The following PTPRG variants were observed in gnomAD, a reference collection of about 807,000 sequenced individuals.
PTPRG encodes protein tyrosine phosphatase receptor type G.
PTPRG carries 102 observed loss-of-function variants against 165.3 expected under a neutral mutation model. The ratio of observed to expected loss-of-function variants is 0.62; its 90% CI spans 0.53 to 0.73. The LOEUF is 0.73. Ranked by LOEUF, PTPRG falls within the 30% of genes least tolerant of loss-of-function variation. PTPRG has a pLI of 0.00. For missense variants in PTPRG, 1,866 were observed against 1,861.4 expected, an observed-to-expected ratio of 1.00 and a Z score of -0.05; for synonymous variants, 675 against 669.5, an observed-to-expected ratio of 1.01 and a Z score of -0.13.
chr3:62,255,381 A>C lies in PTPRG; in HGVS notation c.2559+166A>C, dbSNP rs746284398. 6.6e-6 allele frequency among the ~76,000 whole-genome samples: 1 copy of C among 152,034 alleles called. No homozygotes were observed. Among genetic ancestry groups the C allele is most frequent in the Non-Finnish European group, 1.5e-5 (1 of 68,038 alleles). On this transcript the variant is annotated intron_variant, in intron 16 of 29. Coordinates refer to ENST00000474889, the MANE Select transcript of PTPRG (RefSeq NM_002841.4). This position sits in a 1 kb window ranked among gnomAD's most constrained non-coding sequence, Gnocchi z 4.0. Reference sequence around the variant, plus strand: ...TTAATAGGCATTCTTTTCCAAATAAAATTTAGGTGAAAGGGGAGTTGATTG... The same window carrying C: ...TTAATAGGCATTCTTTTCCAAATAACATTTAGGTGAAAGGGGAGTTGATTG...
At chr3:61,621,051 ATGTGTGTGTGTGTGTGTG>A (rs1173192341) in intron 1 of PTPRG, among the ~76,000 whole-genome samples, 10 of 117,994 alleles carry the variant, frequency 8.5e-5, no homozygotes, top group East Asian at 2.8e-4. Context: ...ATATATATAT[ATGTGTGTGTGTGTGTGTG>A]TGTGTGTGTA....
intron 2 of PTPRG, among the ~76,000 whole-genome samples, chr3:61,971,032 G>A (rs1575835988): frequency 6.6e-6 from 1 of 152,098 alleles, no homozygotes; most frequent in South Asian, 2.1e-4. Context: ...GAATATTAGT[G>A]ATGGTAGTAG....
chr3:61,674,656 G>T (rs1194919704), intron 1 of PTPRG, among the ~76,000 whole-genome samples: 2 of 152,094 alleles, frequency 1.3e-5, no homozygotes, highest in Non-Finnish European at 2.9e-5. Context: ...TGTTGAATTG[G>T]TTGAAAATGA....
Position 61,772,374 on chromosome 3 carries a change from C to T in PTPRG, c.190+23392C>T, listed in dbSNP as rs75578527. ...TCAAAATGTGTTACAAATCAACCTG[C>T]TCATTCACATTACTCCTTTTCCGTA... On this transcript the variant is annotated intron_variant, in intron 2 of 29. Transcript: ENST00000474889. Among the ~76,000 whole-genome samples, 252 of 152,044 alleles carry T rather than the reference C, an allele frequency of 1.7e-3. 9 individuals carry two copies. The East Asian group carries it at 0.044, about 27-fold the overall frequency.
intron 1 of PTPRG, among the ~76,000 whole-genome samples, chr3:61,575,453 T>C (rs1282403845): frequency 6.6e-6 from 1 of 152,180 alleles, no homozygotes; most frequent in African/African-American, 2.4e-5. Flanking sequence ...AGCTTTGTCC[T>C]TTGCTAACTT....
rs151090262 is a variant in PTPRG, at chr3:62,203,412, G to C, written c.1617G>C (p.Pro539=). Residue 539 remains proline, a synonymous_variant, in exon 12 of 30, where the codon CCG becomes CCC. Transcript: ENST00000474889. This position sits in a 1 kb window ranked among gnomAD's most constrained non-coding sequence, Gnocchi z 6.4. ...FPSTVWPTRL[P]TAASASKQAA... is the part of the protein sequence containing the mutation. ...GCACTGTGTGGCCCACGCGCCTCCC[G>C]ACGGCCGCCTCAGCCAGCAAGCAGG... The C allele has an allele frequency of 6.2e-7, 1 of 1,610,552 alleles. No homozygotes were observed. The highest frequency in any genetic ancestry group is 1.3e-5 in the African/African-American group (1 of 74,980).
chr3:61,968,879 G>C lies in PTPRG; in HGVS notation c.191-20746G>C, dbSNP rs887647440. Among the ~76,000 whole-genome samples the C allele has an allele frequency of 4.6e-5, 7 of 152,190 alleles. No homozygotes were observed. In the South Asian group the frequency reaches 8.3e-4, roughly 18 times the overall value. On this transcript the variant is annotated intron_variant, in intron 2 of 29. Transcript: ENST00000474889. ...GGTCAACTTTAAAGAACATTTGTAG[G>C]GTAATGATTCTCATAGCTCACCTTT...
chr3:61,897,495 A>G (rs1384836233), intron 2 of PTPRG, among the ~76,000 whole-genome samples: 2 of 152,182 alleles, frequency 1.3e-5, no homozygotes, highest in South Asian at 2.1e-4. Context: ...CTATAGCTGT[A>G]CAGTAAGTCA....
chr3:61,667,531 C>T (rs976277793), intron 1 of PTPRG, among the ~76,000 whole-genome samples: 1 of 152,172 alleles, frequency 6.6e-6, no homozygotes, highest in African/African-American at 2.4e-5. Flanking sequence ...CATTTTAATT[C>T]ACTTGCTTCT....
rs1575796136 is a variant in PTPRG at position 61,930,311 on chromosome 3, T to C, written c.191-59314T>C. Reference sequence around the variant, plus strand: ...TTGTGTGGCTTCATACCCTCAAGGGTGACTTTGAAAGGTATCTTGACCCAG... The same window carrying C: ...TTGTGTGGCTTCATACCCTCAAGGGCGACTTTGAAAGGTATCTTGACCCAG... On this transcript the variant is annotated intron_variant, in intron 2 of 29. Transcript: ENST00000474889. 5.3e-5 allele frequency among the ~76,000 whole-genome samples: 8 copies of C among 152,274 alleles called. 1 individual carries two copies. Among genetic ancestry groups the C allele is most frequent in the Admixed American group, 5.2e-4 (8 of 15,302 alleles).
intron 1 of PTPRG, among the ~76,000 whole-genome samples, chr3:61,649,297 G>A (rs1702285858): frequency 6.6e-6 from 1 of 152,136 alleles, no homozygotes; most frequent in South Asian, 2.1e-4. Context: ...TAGGATTACA[G>A]GCATGAGCCC....
At chr3:61,742,279 A>T (rs1174303964) in intron 1 of PTPRG, among the ~76,000 whole-genome samples, 1 of 152,136 alleles carries the variant, frequency 6.6e-6, no homozygotes. Context: ...TTATTCTTAT[A>T]AACTATGTCC....
At chr3:62,178,261 G>A (rs1490168616) in intron 8 of PTPRG, among the ~76,000 whole-genome samples, 3 of 152,082 alleles carry the variant, frequency 2.0e-5, no homozygotes, top group Non-Finnish European at 4.4e-5. Flanking sequence ...ATGTATGGGA[G>A]GATGGAGGGA....
At chr3:62,169,144 G>A (rs955255277) in intron 8 of PTPRG, among the ~76,000 whole-genome samples, 1 of 152,050 alleles carries the variant, frequency 6.6e-6, no homozygotes, top group African/African-American at 2.4e-5. Context: ...GGGCCAAAAG[G>A]CAACTTTTGG....
At chr3:62,009,328 A>G (rs1462198995) in intron 4 of PTPRG, among the ~76,000 whole-genome samples, 1 of 152,092 alleles carries the variant, frequency 6.6e-6, no homozygotes, top group East Asian at 1.9e-4. Flanking sequence ...CTTTGTCTTC[A>G]TATTGTGCAG....
intron 2 of PTPRG, among the ~76,000 whole-genome samples, chr3:61,920,793 T>C (rs188825613): frequency 6.6e-6 from 1 of 152,354 alleles, no homozygotes; most frequent in East Asian, 1.9e-4. Context: ...TATTTTCATA[T>C]TTTAGCATTT....
At chr3:61,607,116 C>G (rs1192544863) in intron 1 of PTPRG, among the ~76,000 whole-genome samples, 2 of 152,158 alleles carry the variant, frequency 1.3e-5, no homozygotes, top group African/African-American at 2.4e-5. Context: ...ATAACACATG[C>G]CCACTTTGGA....
At chr3:61,985,853 A>G (rs186081265) in intron 2 of PTPRG, among the ~76,000 whole-genome samples, 84 of 152,264 alleles carry the variant, frequency 5.5e-4, no homozygotes, top group African/African-American at 1.9e-3. Context: ...AGCCATAGTC[A>G]CCTTTGCTGG....
rs1292899765 is a variant in PTPRG at position 61,944,907 on chromosome 3, G to T, written c.191-44718G>T. The stretch of plus-strand genomic sequence containing the variant: ...ACCTGCACCTGGACTGAAATTCCCC[G>T]TGGCATTAGAGGTGTTTCGTAAGGT... On this transcript the variant is annotated intron_variant, in intron 2 of 29. Coordinates refer to ENST00000474889, the MANE Select transcript of PTPRG (RefSeq NM_002841.4). Among the ~76,000 whole-genome samples, 3 of 152,264 alleles carry T rather than the reference G, an allele frequency of 2.0e-5. No homozygotes were observed. The East Asian group carries it at 5.8e-4, about 29-fold the overall frequency.
Sources: gnomAD v4.1 joint callset for allele counts (sites outside exome capture counted in the v4.1 genomes callset) on GRCh38, gnomAD v4.1.1 for gene constraint, Gnocchi (gnomAD v3.1) non-coding constraint, MANE v1.5 for transcripts, NCBI Gene and HGNC (gene_info 2026-07-23, HGNC 2026-07-21) for gene names.